The following RCOR2 variants were observed in gnomAD, a reference collection of about 807,000 sequenced individuals.
RCOR2 encodes REST corepressor 2.
RCOR2 carries 19 observed loss-of-function variants against 58.9 expected under a neutral mutation model. The observed-to-expected ratio is 0.32, with a 90% CI of 0.23 to 0.47. The LOEUF (loss-of-function observed/expected upper bound fraction) is 0.47, where lower values mean the gene tolerates loss of function less well. Ranked by LOEUF, RCOR2 falls within the 20% of genes least tolerant of loss-of-function variation. The probability of loss-of-function intolerance (pLI) is 1.00; values close to 1 mark genes in which losing one functional copy is unlikely to be tolerated. For synonymous variants in RCOR2, 286 were observed against 278.7 expected (o/e 1.03, Z -0.26); for missense variants, 590 against 707.9 (o/e 0.83, Z 1.89).
chr11:63,914,216 G>A, intron 7 of RCOR2, 45 bp downstream of exon 7: 1 of 1,613,420 alleles, frequency 6.2e-7, no homozygotes, highest in Non-Finnish European at 8.5e-7. Context: ...GCCAGAGAGA[G>A]GCAAGAGGAC....
At chr11:63,915,363 G>T in intron 2 of RCOR2, 105 bp from the exon 3 acceptor site, 1 of 1,184,924 alleles carries the variant, frequency 8.4e-7, no homozygotes, top group Non-Finnish European at 1.2e-6. Context: ...GGGAGGTTGA[G>T]GCCCAGAAGG....
rs1941823078 is a variant in RCOR2, at chr11:63,914,279, A to G, written c.657T>C (p.Pro219=). The G allele has an allele frequency of 6.2e-7, 1 of 1,613,404 alleles. No homozygotes were observed. The highest frequency in any genetic ancestry group is 1.7e-5 in the Admixed American group (1 of 59,992). The change falls in exon 7 of 12, where the codon CCT becomes CCC. Residue 219 remains proline (P), a synonymous_variant. Coordinates refer to ENST00000301459, the MANE Select transcript of RCOR2 (RefSeq NM_173587.4). ...RGGVSEGEPD[P]ADPKREPLPS... ...AGCTCACCTCTCTCTTGGGATCTGCAGGATCGGGCTCTCCCTCACTCACGC... is the reference window on the plus strand; with the variant it reads ...AGCTCACCTCTCTCTTGGGATCTGCGGGATCGGGCTCTCCCTCACTCACGC...
At chr11:63,925,616 G>A in the RCOR2 span, among the ~76,000 whole-genome samples, 1 of 151,066 alleles carries the variant, frequency 6.6e-6, no homozygotes, top group Non-Finnish European at 1.5e-5. Flanking sequence ...CTAGGAGTTC[G>A]TGACCACCTT....
intron 3 of RCOR2, 37 bp from the exon 4 acceptor site, chr11:63,914,991 G>T: frequency 6.2e-7 from 1 of 1,612,562 alleles, no homozygotes; most frequent in Non-Finnish European, 8.5e-7. Flanking sequence ...TGGTGAAGGG[G>T]GTTATAGCTC....
chr11:63,925,545 G>A, the RCOR2 span, among the ~76,000 whole-genome samples: 2 of 152,080 alleles, frequency 1.3e-5, no homozygotes, highest in Admixed American at 1.3e-4. Context: ...AAGGCCAGGT[G>A]CAGTGGCTCA....
chr11:63,925,958 G>A, the RCOR2 span, among the ~76,000 whole-genome samples: 1 of 152,112 alleles, frequency 6.6e-6, no homozygotes, highest in Non-Finnish European at 1.5e-5. Context: ...CGCCCAGGCT[G>A]GAGTGCAATG....
At chr11:63,926,946 C>G in the RCOR2 span, among the ~76,000 whole-genome samples, 26 of 151,820 alleles carry the variant, frequency 1.7e-4, no homozygotes, top group African/African-American at 5.3e-4. Flanking sequence ...CTCAGTCTCT[C>G]GAGTAGCTGG....
At chr11:63,924,840 T>A in the RCOR2 span, among the ~76,000 whole-genome samples, 2 of 144,242 alleles carry the variant, frequency 1.4e-5, no homozygotes, top group Non-Finnish European at 3.0e-5. Flanking sequence ...CATGCTACCA[T>A]GCCCAGCCAA....
the RCOR2 span, among the ~76,000 whole-genome samples, chr11:63,922,418 G>A: frequency 3.9e-5 from 6 of 152,118 alleles, no homozygotes; most frequent in Non-Finnish European, 8.8e-5. Flanking sequence ...AGTGGTATGA[G>A]CTCGGCTCAC....
chr11:63,924,589 G>A, the RCOR2 span, among the ~76,000 whole-genome samples: 1 of 152,182 alleles, frequency 6.6e-6, no homozygotes, highest in Non-Finnish European at 1.5e-5. Flanking sequence ...TCCAACTCTT[G>A]TGAAGTCCCT....
chr11:63,915,388 G>C (rs1455559559), intron 2 of RCOR2, 130 bp from the exon 3 acceptor site: 2 of 1,096,828 alleles, frequency 1.8e-6, no homozygotes, highest in Admixed American at 4.0e-5. Context: ...GAGGGGCAGA[G>C]ACCCAGACAG....
chr11:63,927,139 C>T, the RCOR2 span, among the ~76,000 whole-genome samples: 1 of 151,942 alleles, frequency 6.6e-6, no homozygotes, highest in Non-Finnish European at 1.5e-5. Flanking sequence ...CTGTGCCTGG[C>T]CCCCTTGCTG....
At position 63,914,292 on chromosome 11, in the gene RCOR2, C is replaced by G; in HGVS notation, c.644G>C (p.Gly215Ala). 6.2e-7 allele frequency: 1 copy of G among 1,613,546 alleles called. No individual in the cohort carries two copies. Among genetic ancestry groups the G allele is most frequent in the Non-Finnish European group, 8.5e-7 (1 of 1,179,986 alleles). ...LEEGRGGVSE[G>A]EPDPADPKRE... ...CTTGGGATCTGCAGGATCGGGCTCT[C>G]CCTCACTCACGCCTCCTCGACCCTC... The change falls in exon 7 of 12, where the codon GGA becomes GCA. Residue 215 changes from glycine to alanine, a missense_variant. Gly to Ala is a moderately conservative substitution (Grantham distance 60). Around this residue, in one of 3 missense-constraint regions of RCOR2, gnomAD observed 390 missense variants for 478.7 expected, o/e 0.81. Transcript: ENST00000301459.
At chr11:63,914,851 G>A (rs1316703308) in intron 4 of RCOR2, 35 bp from the exon 5 acceptor site, 2 of 1,408,304 alleles carry the variant, frequency 1.4e-6, no homozygotes, top group East Asian at 4.5e-5. Context: ...AGCCTGAGCT[G>A]CCCCGGCACC....
chr11:63,914,107 A>T lies in RCOR2; in HGVS notation c.738T>A (p.Ser246=). Residue 246 remains serine (S), a synonymous_variant, in exon 8 of 12, where the codon TCT becomes TCA. Coordinates refer to ENST00000301459, the MANE Select transcript of RCOR2 (RefSeq NM_173587.4). ...TTCGCAAGGGATGGTGGCGGTACTG[A>T]GACACCTGGACCTCCTTTTTCCCAG... ...PGPGKKEVQV[S]QYRHHPLRTR... The T allele has an allele frequency of 6.2e-7, 1 of 1,613,842 alleles. No homozygotes were observed. The highest frequency in any genetic ancestry group is 8.5e-7 in the Non-Finnish European group (1 of 1,179,996).
chr11:63,912,728 G>T lies in RCOR2; in HGVS notation c.975C>A (p.Asn325Lys), dbSNP rs1358341285. ...TGGTCCAGCGGGAGTTGAACTTGGT[G>T]TTGGCCTGGAAAGCAAGGAACAACA... Reference protein sequence around the residue: ...GIDPLRPPEANTKFNSRWTTD... With the variant: ...GIDPLRPPEAKTKFNSRWTTD... The change falls in exon 10 of 12, where the codon AAC (asparagine) becomes AAA (lysine). Residue 325 changes from asparagine to lysine, a missense_variant. Physicochemically the swap from Asn to Lys is moderately conservative, Grantham distance 94 (BLOSUM62 0). This residue lies in a region of RCOR2 where 390 missense variants were observed against 478.7 expected (regional missense o/e 0.81). Transcript: ENST00000301459. 3.1e-6 allele frequency: 5 copies of T among 1,613,966 alleles called. No homozygotes were observed. The highest frequency in any genetic ancestry group is 4.2e-6 in the Non-Finnish European group (5 of 1,180,014).
Position 63,911,789 on chromosome 11 carries a change from TCAGTGACAC to T in RCOR2, c.*67_*75del. 2 of 1,461,076 alleles carry T rather than the reference TCAGTGACAC, an allele frequency of 1.4e-6. No homozygotes were observed. The highest frequency in any genetic ancestry group is 1.8e-6 in the Non-Finnish European group (2 of 1,121,884). 90.5% of individuals were successfully genotyped at this position (1,461,076 alleles called of 1,614,324 possible). A position where few individuals can be genotyped will look rare whatever the true frequency, so the allele number is the denominator to read the frequency against. The stretch of plus-strand genomic sequence containing the variant: ...GCCAGAGCCCTAGTCCCTTCTGTCC[TCAGTGACAC>T]CAGAGATGCCTGGGGATGGCCAGCA... On this transcript the variant is annotated 3_prime_UTR_variant, in exon 12 of 12. Coordinates refer to ENST00000301459, the MANE Select transcript of RCOR2 (RefSeq NM_173587.4).
chr11:63,915,339 G>A (rs1941840639), intron 2 of RCOR2, 81 bp from the exon 3 acceptor site: 1 of 1,314,262 alleles, frequency 7.6e-7, no homozygotes, highest in Non-Finnish European at 1.1e-6. Flanking sequence ...GAGGGCAGCA[G>A]AGGAGTGGAG....
At chr11:63,923,782 C>T in the RCOR2 span, among the ~76,000 whole-genome samples, 14 of 152,204 alleles carry the variant, frequency 9.2e-5, no homozygotes, top group Non-Finnish European at 2.9e-5. Context: ...AACCCTATAT[C>T]CTACCAATTG....
Sources: gnomAD v4.1 joint callset for allele counts (sites outside exome capture counted in the v4.1 genomes callset) on GRCh38, gnomAD v4.1.1 for gene constraint, gnomAD v4.1.1 regional missense constraint, MANE v1.5 for transcripts, NCBI Gene and HGNC (gene_info 2026-07-23, HGNC 2026-07-21) for gene names.